The following ST3GAL4 variants were observed in gnomAD, a reference collection of about 807,000 sequenced individuals.
The protein encoded by ST3GAL4 is ST3 beta-galactoside alpha-2,3-sialyltransferase 4.
In ST3GAL4, 24 loss-of-function variants were observed where a neutral mutation model predicts 42.6. The ratio of observed to expected loss-of-function variants is 0.56; its 90% confidence interval spans 0.41 to 0.79. ST3GAL4 has a LOEUF of 0.79. Among genes scored for constraint, ST3GAL4 ranks in the 30% least tolerant of loss-of-function variants. The probability of loss-of-function intolerance (pLI) is 0.00; values close to 1 mark genes in which losing one functional copy is unlikely to be tolerated. For synonymous variants in ST3GAL4, 135 were observed against 163.2 expected (o/e 0.83, Z 1.32); for missense variants, 311 against 430.8 (o/e 0.72, Z 2.46).
intron 1 of ST3GAL4, among the ~76,000 whole-genome samples, chr11:126,357,075 T>C (rs1464133986): frequency 6.6e-6 from 1 of 152,244 alleles, no homozygotes; most frequent in Non-Finnish European, 1.5e-5. Flanking sequence ...AGCTGCCCGA[T>C]AATTCTAGAG....
At chr11:126,405,757 A>G in intron 1 of ST3GAL4, 1 of 297,598 alleles carries the variant, frequency 3.4e-6, no homozygotes, top group Non-Finnish European at 6.4e-6. Context: ...TGCCTCCTGG[A>G]GCTGGCCCTT....
intron 9 of ST3GAL4, among the ~76,000 whole-genome samples, chr11:126,412,367 A>G (rs1425328498): frequency 6.6e-6 from 1 of 152,168 alleles, no homozygotes; most frequent in African/African-American, 2.4e-5. Flanking sequence ...AGGTCCAGGA[A>G]AGGCTCCCAA....
rs372587401 is a variant in ST3GAL4 at position 126,405,322 on chromosome 11, C to T, written c.-60-774C>T. On this transcript the variant is annotated intron_variant, in intron 1 of 10. Coordinates refer to ENST00000444328, the MANE Select transcript of ST3GAL4 (RefSeq NM_001254757.2). ...GCTTGTGTGCAGGGGTGAACAGCAG[C>T]TCACCCCTTCCCATGCACAGTCCTC... 1.5e-4 allele frequency among the ~76,000 whole-genome samples: 23 copies of T among 152,336 alleles called. No individual in the cohort carries two copies. In the South Asian group the frequency reaches 4.6e-3, roughly 30 times the overall value.
chr11:126,368,256 T>C (rs1436715951), intron 1 of ST3GAL4, among the ~76,000 whole-genome samples: 1 of 151,838 alleles, frequency 6.6e-6, no homozygotes, highest in Non-Finnish European at 1.5e-5. Flanking sequence ...ATCCCAGCAC[T>C]TGGGGAGGCT....
At chr11:126,364,680 T>C (rs1285996599) in intron 1 of ST3GAL4, among the ~76,000 whole-genome samples, 1 of 148,564 alleles carries the variant, frequency 6.7e-6, no homozygotes, top group Non-Finnish European at 1.5e-5. Flanking sequence ...GCCCCAGCCC[T>C]GGTTCCAGAA....
rs1405351000 is a variant in ST3GAL4 at position 126,411,986 on chromosome 11, T to C, written c.772-1519T>C. 6.6e-6 allele frequency among the ~76,000 whole-genome samples: 1 copy of C among 152,046 alleles called. No homozygotes were observed. The highest frequency in any genetic ancestry group is 1.5e-5 in the Non-Finnish European group (1 of 68,032). On this transcript the variant is annotated intron_variant, in intron 9 of 10. Coordinates refer to ENST00000444328, the MANE Select transcript of ST3GAL4 (RefSeq NM_001254757.2). The surrounding 1 kb of genome is among the most constrained non-coding windows in gnomAD (Gnocchi z 6.3). ...CTCCCCACACGCGCAAGGGAGGAGA[T>C]TACATGAGGGTTAGCGTCACTGGGG...
In ST3GAL4 at chr11:126,359,818, A is replaced by G. The variant is rs1952187335; in HGVS notation, c.-61+3976A>G. 6.6e-6 allele frequency among the ~76,000 whole-genome samples: 1 copy of G among 151,414 alleles called. No individual in the cohort carries two copies. Among genetic ancestry groups the G allele is most frequent in the Non-Finnish European group, 1.5e-5 (1 of 67,986 alleles). On this transcript the variant is annotated intron_variant, in intron 1 of 10. Transcript: ENST00000444328. The surrounding 1 kb of genome is among the most constrained non-coding windows in gnomAD (Gnocchi z 4.8). ...CCACCTCTGCTGCTTTCCCTTGGCA[A>G]TTGCTTCCATCTGGCCTGCCTGCAG...
In ST3GAL4 at chr11:126,411,834, G is replaced by A. The variant is rs901420143; in HGVS notation, c.772-1671G>A. Among the ~76,000 whole-genome samples, 2 of 151,806 alleles carry A rather than the reference G, an allele frequency of 1.3e-5. No individual in the cohort carries two copies. The highest frequency in any genetic ancestry group is 2.9e-5 in the Non-Finnish European group (2 of 67,990). On this transcript the variant is annotated intron_variant, in intron 9 of 10. Transcript: ENST00000444328. The surrounding 1 kb of genome is among the most constrained non-coding windows in gnomAD (Gnocchi z 6.3). ...TCTGTGCTTCAAATCTCTGACCTCC[G>A]TTTCTGATCTTGACACCCGGATTTA...
chr11:126,393,100 C>T lies in ST3GAL4; in HGVS notation c.-60-12996C>T, dbSNP rs1953580401. 1 of 151,806 alleles carries T rather than the reference C, an allele frequency of 6.6e-6. No homozygotes were observed. Among genetic ancestry groups the T allele is most frequent in the African/African-American group, 2.4e-5 (1 of 41,256 alleles). The allele number at this position is 151,806 out of a possible 1,614,324, so 9.4% of individuals were successfully genotyped here. ...GGACTACAGGTGTGTGCCACCACAC[C>T]CGGCTAATTTTATTTTTATTTTTAT... is the stretch of plus-strand genomic sequence containing the variant. On this transcript the variant is annotated intron_variant, in intron 1 of 10. Transcript: ENST00000444328. The surrounding 1 kb of genome is among the most constrained non-coding windows in gnomAD (Gnocchi z 5.9).
Position 126,393,950 on chromosome 11 carries a change from G to T in ST3GAL4, c.-60-12146G>T, listed in dbSNP as rs1390276722. 3.3e-5 allele frequency among the ~76,000 whole-genome samples: 5 copies of T among 152,322 alleles called. No individual in the cohort carries two copies. The South Asian group carries it at 6.2e-4, about 19-fold the overall frequency. ...GGTGATATTTTATTCTTTTTTTGGG[G>T]TACTAAATCTTTGAAATCCGGTGTG... is the stretch of plus-strand genomic sequence containing the variant. On this transcript the variant is annotated intron_variant, in intron 1 of 10. Transcript: ENST00000444328. The surrounding 1 kb of genome is among the most constrained non-coding windows in gnomAD (Gnocchi z 5.9).
Position 126,379,138 on chromosome 11 carries a change from G to C in ST3GAL4, c.-61+23296G>C, listed in dbSNP as rs1337872210. 6.6e-6 allele frequency among the ~76,000 whole-genome samples: 1 copy of C among 152,184 alleles called. No homozygotes were observed. Among genetic ancestry groups the C allele is most frequent in the Non-Finnish European group, 1.5e-5 (1 of 68,024 alleles). Reference sequence around the variant, plus strand: ...TTTCATAACGCCATTTTCCTGAATTGCTCACTCAAGTGTGTATGGGAGCAG... The same window carrying C: ...TTTCATAACGCCATTTTCCTGAATTCCTCACTCAAGTGTGTATGGGAGCAG... On this transcript the variant is annotated intron_variant, in intron 1 of 10. Coordinates refer to ENST00000444328, the MANE Select transcript of ST3GAL4 (RefSeq NM_001254757.2). This position sits in a 1 kb window ranked among gnomAD's most constrained non-coding sequence, Gnocchi z 4.2.
intron 1 of ST3GAL4, among the ~76,000 whole-genome samples, chr11:126,377,982 G>A (rs1365450200): frequency 6.6e-6 from 1 of 152,090 alleles, no homozygotes; most frequent in Non-Finnish European, 1.5e-5. Context: ...TGAGAGAAAC[G>A]GGCTCTTACA....
intron 1 of ST3GAL4, among the ~76,000 whole-genome samples, chr11:126,399,202 A>C (rs1953902636): frequency 6.6e-6 from 1 of 151,746 alleles, no homozygotes. Context: ...TCCTCTCCTG[A>C]AAGTTCTTTC....
At chr11:126,403,188 G>A in intron 1 of ST3GAL4, 1 of 174,920 alleles carries the variant, frequency 5.7e-6, no homozygotes, top group African/African-American at 2.4e-5. Context: ...TCCTGATTGG[G>A]TATAGCCCAG....
Position 126,400,657 on chromosome 11 carries a change from A to G in ST3GAL4, c.-60-5439A>G, listed in dbSNP as rs1178936251. ...GAAGCAAGAGGGTGATTTGATCCAT[A>G]TCATTTCTTAGAAGGATACCATGTT... is the stretch of plus-strand genomic sequence containing the variant. On this transcript the variant is annotated intron_variant, in intron 1 of 10. Transcript: ENST00000444328. This position sits in a 1 kb window ranked among gnomAD's most constrained non-coding sequence, Gnocchi z 4.6. Among the ~76,000 whole-genome samples, 2 of 152,174 alleles carry G rather than the reference A, an allele frequency of 1.3e-5. No individual in the cohort carries two copies. The highest frequency in any genetic ancestry group is 6.5e-5 in the Admixed American group (1 of 15,278).
Position 126,410,890 on chromosome 11 carries a change from A to C in ST3GAL4, c.771+1479A>C, listed in dbSNP as rs571912603. Among the ~76,000 whole-genome samples, 8 of 152,244 alleles carry C rather than the reference A, an allele frequency of 5.3e-5. No homozygotes were observed. The highest frequency in any genetic ancestry group is 1.9e-4 in the African/African-American group (8 of 41,542). ...AGATGTCTGGGAGGCTCCCCAGAGG[A>C]GGTGGTGCTGGAGCCGGGCCTGGAA... On this transcript the variant is annotated intron_variant, in intron 9 of 10. Transcript: ENST00000444328. The surrounding 1 kb of genome is among the most constrained non-coding windows in gnomAD (Gnocchi z 5.3).
rs538470503 is a variant in ST3GAL4 at position 126,382,519 on chromosome 11, G to A, written c.-60-23577G>A. On this transcript the variant is annotated intron_variant, in intron 1 of 10. Coordinates refer to ENST00000444328, the MANE Select transcript of ST3GAL4 (RefSeq NM_001254757.2). ...GAGGGCCGAGCTCTTCCACCTTGAG[G>A]ACAAGGATGGTTCCTCAGGGCTGGG... Among the ~76,000 whole-genome samples, 12 of 151,736 alleles carry A rather than the reference G, an allele frequency of 7.9e-5. No individual in the cohort carries two copies. In the South Asian group the frequency reaches 2.5e-3, roughly 32 times the overall value.
rs145710196 is a variant in ST3GAL4, at chr11:126,366,397, T to TGTGC, written c.-61+10557_-61+10560dup. ...AGGAGGACTGAGAGCTGGGTGTGTGTGTGCGCATGCCTGTGTCTGTGTGAT... is the reference window on the plus strand; with the variant it reads ...AGGAGGACTGAGAGCTGGGTGTGTGTGTGCGTGCGCATGCCTGTGTCTGTGTGAT... On this transcript the variant is annotated intron_variant, in intron 1 of 10. Transcript: ENST00000444328. The surrounding 1 kb of genome is among the most constrained non-coding windows in gnomAD (Gnocchi z 4.2). Among the ~76,000 whole-genome samples, 324 of 152,170 alleles carry TGTGC rather than the reference T, an allele frequency of 2.1e-3. 1 individual carries two copies. Among genetic ancestry groups the TGTGC allele is most frequent in the African/African-American group, 7.5e-3 (312 of 41,510 alleles).
rs1953107606 is a variant in ST3GAL4, at chr11:126,383,862, CT to C, written c.-60-22231del. Among the ~76,000 whole-genome samples, 1 of 152,164 alleles carries C rather than the reference CT, an allele frequency of 6.6e-6. No homozygotes were observed. On this transcript the variant is annotated intron_variant, in intron 1 of 10. Transcript: ENST00000444328. The surrounding 1 kb of genome is among the most constrained non-coding windows in gnomAD (Gnocchi z 4.5). ...TCGTCTTCCCTCCCTCATGGCCCACCTTTACTCTGAGGGGGTGGGCTTCCTG... is the reference window on the plus strand; with the variant it reads ...TCGTCTTCCCTCCCTCATGGCCCACCTTACTCTGAGGGGGTGGGCTTCCTG...
Sources: allele counts gnomAD v4.1 joint callset (sites outside exome capture counted in the v4.1 genomes callset), GRCh38; gene constraint gnomAD v4.1.1; non-coding constraint Gnocchi (gnomAD v3.1); transcripts MANE v1.5; gene names NCBI Gene and HGNC (gene_info 2026-07-23, HGNC 2026-07-21).